DET1: variants seen among roughly 807,000 people sequenced by gnomAD.
The protein encoded by DET1 is DET1 homolog.
In DET1, 22 loss-of-function variants were observed where a neutral mutation model predicts 43.7. The observed-to-expected ratio is 0.50, with a 90% CI of 0.36 to 0.72. The LOEUF is 0.72. DET1 is among the 30% of genes least tolerant of loss of function. The pLI is 0.00. For missense variants in DET1, 713 were observed against 713.3 expected, an observed-to-expected ratio of 1.00 and a Z score of 0.00; for synonymous variants, 315 against 266.2, an observed-to-expected ratio of 1.18 and a Z score of -1.79.
Position 88,531,951 on chromosome 15 carries a change from C to A in DET1, c.-10-236G>T. On this transcript the variant is annotated intron_variant, in intron 1 of 4. Coordinates refer to ENST00000268148, the MANE Select transcript of DET1 (RefSeq NM_001144074.3). This position sits in a 1 kb window ranked among gnomAD's most constrained non-coding sequence, Gnocchi z 6.2. Reference sequence around the variant, plus strand: ...TCACTAGGAATACCTTCCAAGTATGCTCAGCTGTTGGGAAAGTTCAACAGA... The same window carrying A: ...TCACTAGGAATACCTTCCAAGTATGATCAGCTGTTGGGAAAGTTCAACAGA... 2.1e-6 allele frequency: 1 copy of A among 483,210 alleles called. No homozygotes were observed. The highest frequency in any genetic ancestry group is 3.6e-6 in the Non-Finnish European group (1 of 275,274). 29.9% of individuals were successfully genotyped at this position (483,210 alleles called of 1,614,324 possible). A position where few individuals can be genotyped will look rare whatever the true frequency, so the allele number is the denominator to read the frequency against.
At chr15:88,538,733 T>C (rs941840314) in intron 1 of DET1, among the ~76,000 whole-genome samples, 4 of 152,140 alleles carry the variant, frequency 2.6e-5, no homozygotes, top group African/African-American at 9.7e-5. Flanking sequence ...CAGAGGGGGT[T>C]ACCACCTGAG....
At position 88,512,506 on chromosome 15, in the gene DET1, A is replaced by C; in HGVS notation, c.*445T>G. 1.0e-6 allele frequency: 1 copy of C among 987,424 alleles called. No homozygotes were observed. The highest frequency in any genetic ancestry group is 1.2e-6 in the Non-Finnish European group (1 of 831,070). The allele number at this position is 987,424 out of a possible 1,614,324, so 61.2% of individuals were successfully genotyped here. A position where few individuals can be genotyped will look rare whatever the true frequency, so the allele number is the denominator to read the frequency against. ...TTAAGTATGAAAATACCATGGCTTT[A>C]TTTTTCTCTTAAAAAGATAGCCGTG... On this transcript the variant is annotated 3_prime_UTR_variant, in exon 5 of 5. Transcript: ENST00000268148.
rs1199368026 is a variant in DET1 at position 88,513,949 on chromosome 15, G to A, written c.1464-809C>T. Among the ~76,000 whole-genome samples the A allele has an allele frequency of 5.3e-5, 8 of 149,910 alleles. 1 individual carries two copies. The highest frequency in any genetic ancestry group is 1.9e-4 in the East Asian group (1 of 5,156). On this transcript the variant is annotated intron_variant, in intron 4 of 4. Transcript: ENST00000268148. ...CGAGTAGCTGGGACTACAGGCGCCC[G>A]CTACCACGCCCGGCTAATTTTTTGT...
intron 2 of DET1, 51 bp from the exon 3 acceptor site, chr15:88,527,837 C>A (rs776229674): frequency 7.4e-7 from 1 of 1,354,090 alleles, no homozygotes; most frequent in Admixed American, 3.1e-5. Context: ...TAATGCCATG[C>A]GTAGGAAACT....
chr15:88,539,349 C>T (rs906658884), intron 1 of DET1, among the ~76,000 whole-genome samples: 4 of 151,088 alleles, frequency 2.6e-5, no homozygotes, highest in African/African-American at 7.3e-5. Flanking sequence ...GGGTTTATAC[C>T]GGCCTGCCAA....
chr15:88,513,862 C>G (rs1364964954), intron 4 of DET1, among the ~76,000 whole-genome samples: 1 of 136,110 alleles, frequency 7.3e-6, no homozygotes, highest in African/African-American at 2.9e-5. Flanking sequence ...TGCAGTGGCG[C>G]GATCTCGGCT....
chr15:88,533,852 T>TAAAAAAAAAAA (rs368408722), intron 1 of DET1, among the ~76,000 whole-genome samples: 11 of 39,208 alleles, frequency 2.8e-4, no homozygotes, highest in South Asian at 2.7e-3. Context: ...ACCCAATCTC[T>TAAAAAAAAAAA]AAAAAAAAAA....
chr15:88,523,237 G>A (rs531130781), intron 3 of DET1, among the ~76,000 whole-genome samples: 8 of 152,120 alleles, frequency 5.3e-5, no homozygotes, highest in African/African-American at 1.7e-4. Context: ...TAGGATAAAG[G>A]CTTTCCTGAA....
intron 3 of DET1, among the ~76,000 whole-genome samples, chr15:88,522,089 TA>T (rs2056506619): frequency 6.6e-6 from 1 of 152,180 alleles, no homozygotes; most frequent in Non-Finnish European, 1.5e-5. Context: ...ACCATATAGA[TA>T]AAATAGATGC....
intron 1 of DET1, among the ~76,000 whole-genome samples, chr15:88,544,067 G>A (rs1208574779): frequency 1.3e-5 from 2 of 152,180 alleles, no homozygotes; most frequent in African/African-American, 4.8e-5. Flanking sequence ...TGCCAATACG[G>A]TAGTTAAGTT....
At position 88,527,776 on chromosome 15, in the gene DET1, A is replaced by G; in HGVS notation, c.1094T>C (p.Phe365Ser). The part of the protein sequence containing the change: ...RVTDPSQASF[F>S]VVYNMVTTEV... ...TGTCGTCACCATATTGTACACCACA[A>G]AGAAAGATGCCTGCAGAAGAAAAGA... The change falls in exon 3 of 5, where the codon TTT becomes TCT. Residue 365 changes from phenylalanine to serine, a missense_variant. Transcript: ENST00000268148. The G allele has an allele frequency of 6.3e-7, 1 of 1,591,908 alleles. No homozygotes were observed. The highest frequency in any genetic ancestry group is 8.6e-7 in the Non-Finnish European group (1 of 1,167,498).
chr15:88,513,263 T>C (rs1199954488), intron 4 of DET1, 123 bp from the exon 5 acceptor site: 1 of 1,014,102 alleles, frequency 9.9e-7, no homozygotes. Context: ...TGAAATCGCC[T>C]CTTATATCAG....
intron 7 of DET1, among the ~76,000 whole-genome samples, chr15:88,506,201 G>A (rs966900416): frequency 6.6e-6 from 1 of 152,156 alleles, no homozygotes; most frequent in African/African-American, 2.4e-5. Context: ...ACCCTGAAAA[G>A]TAGAAATTAC....
At chr15:88,508,441 T>C (rs1175769879), downstream of DET1, among the ~76,000 whole-genome samples, 1 of 152,200 alleles carries the variant, frequency 6.6e-6, no homozygotes, top group African/African-American at 2.4e-5. Context: ...TTTTGGGTCT[T>C]CTGTTTTTGC....
rs1323904227 is a variant in DET1 at position 88,513,101 on chromosome 15, G to A, written c.1503C>T (p.Ile501=). The A allele has an allele frequency of 1.2e-6, 2 of 1,613,764 alleles. No homozygotes were observed. The highest frequency in any genetic ancestry group is 1.1e-5 in the South Asian group (1 of 91,024). ...ARDSGLLKFE[I]QAGLLGRPIN... ...TGGGGCGGCCCAATAACCCCGCCTG[G>A]ATCTCAAACTTGAGCAGGCCCGAGT... is the stretch of plus-strand genomic sequence containing the variant. The change falls in exon 5 of 5, where the codon ATC becomes ATT. Residue 501 remains isoleucine, a synonymous_variant. Coordinates refer to ENST00000268148, the MANE Select transcript of DET1 (RefSeq NM_001144074.3).
intron 2 of DET1, 106 bp downstream of exon 2, chr15:88,530,517 C>G: frequency 6.7e-7 from 1 of 1,491,884 alleles, no homozygotes; most frequent in Non-Finnish European, 8.9e-7. Flanking sequence ...TCAATTCAGA[C>G]TACGTGAAAT....
rs149153878 is a variant in DET1, at chr15:88,517,689, T to C, written c.1272-716A>G. On this transcript the variant is annotated intron_variant, in intron 3 of 4. Coordinates refer to ENST00000268148, the MANE Select transcript of DET1 (RefSeq NM_001144074.3). Reference sequence around the variant, plus strand: ...GCCTTAGACTGAATTAGGAAGGAGTTACAGAGAACCCTGAACAGAAGCAGC... The same window carrying C: ...GCCTTAGACTGAATTAGGAAGGAGTCACAGAGAACCCTGAACAGAAGCAGC... 4.3e-4 allele frequency among the ~76,000 whole-genome samples: 65 copies of C among 152,330 alleles called. No homozygotes were observed. In the East Asian group the frequency reaches 0.011, roughly 26 times the overall value.
At chr15:88,511,416 G>GT (rs756366049), downstream of DET1, 5 of 985,500 alleles carry the variant, frequency 5.1e-6, no homozygotes, top group Non-Finnish European at 6.0e-6. Context: ...TGCTGCAGCT[G>GT]TATTTGCTTA....
chr15:88,538,984 G>C (rs1000154076), intron 1 of DET1, among the ~76,000 whole-genome samples: 2 of 152,080 alleles, frequency 1.3e-5, no homozygotes, highest in African/African-American at 4.8e-5. Context: ...TTTCTGGTAG[G>C]CGCCTCTGTG....
Sources: allele counts gnomAD v4.1 joint callset (sites outside exome capture counted in the v4.1 genomes callset), GRCh38; gene constraint gnomAD v4.1.1; non-coding constraint Gnocchi (gnomAD v3.1); transcripts MANE v1.5; gene names NCBI Gene and HGNC (gene_info 2026-07-23, HGNC 2026-07-21).